The following WDR70 variants were observed in gnomAD, a reference collection of about 807,000 sequenced individuals.
WDR70 encodes WD repeat-containing protein 70.
A neutral mutation model predicts 88.6 loss-of-function variants in WDR70; 53 were observed. The ratio of observed to expected loss-of-function variants is 0.60; its 90% confidence interval spans 0.48 to 0.75. WDR70 has a LOEUF of 0.75. Among genes scored for constraint, WDR70 ranks in the 30% least tolerant of loss-of-function variants. The pLI is 0.00. For synonymous variants in WDR70, 280 were observed against 270.0 expected (o/e 1.04, Z -0.36); for missense variants, 610 against 823.2 (o/e 0.74, Z 3.17).
chr5:37,699,373 GTATATATATGTATGTGTGTA>G (rs1561078800), intron 11 of WDR70, among the ~76,000 whole-genome samples: 14 of 118,168 alleles, frequency 1.2e-4, no homozygotes, highest in African/African-American at 4.0e-4. Context: ...GTGTGTGTGT[GTATATATATGTATGTGTGTA>G]TATATATATA....
chr5:37,716,133 C>T (rs192716080), intron 13 of WDR70, among the ~76,000 whole-genome samples: 4 of 152,262 alleles, frequency 2.6e-5, no homozygotes, highest in East Asian at 1.9e-4. Context: ...AAAAACCAAA[C>T]GTGAAAAAAC....
At chr5:37,382,114 T>C (rs1441584267) in intron 3 of WDR70, among the ~76,000 whole-genome samples, 1 of 151,984 alleles carries the variant, frequency 6.6e-6, no homozygotes, top group Non-Finnish European at 1.5e-5. Flanking sequence ...TTTTTTTTTT[T>C]TTGAGATGGA....
At chr5:37,646,018 A>T (rs1589118) in intron 10 of WDR70, among the ~76,000 whole-genome samples, 16,044 of 151,722 alleles carry the variant, frequency 0.11, 2,715 homozygotes, top group African/African-American at 0.36. Flanking sequence ...AATTAAAAAA[A>T]TTTTTTTTGT....
At chr5:37,657,611 T>G (rs1236875369) in intron 10 of WDR70, among the ~76,000 whole-genome samples, 1 of 152,214 alleles carries the variant, frequency 6.6e-6, no homozygotes, top group Non-Finnish European at 1.5e-5. Context: ...TAAACTTGTC[T>G]TGATTATGAA....
intron 10 of WDR70, among the ~76,000 whole-genome samples, chr5:37,650,231 A>G (rs952892977): frequency 6.6e-5 from 10 of 151,118 alleles, no homozygotes; most frequent in Admixed American, 3.9e-4. Context: ...CCCCGTCTCT[A>G]CTAAAAATAC....
rs1748861611 is a variant in WDR70 at position 37,753,220 on chromosome 5, C to T, written c.*647C>T. The T allele has an allele frequency of 6.6e-6, 1 of 152,212 alleles. No homozygotes were observed. The highest frequency in any genetic ancestry group is 2.4e-5 in the African/African-American group (1 of 41,438). 9.4% of individuals were successfully genotyped at this position (152,212 alleles called of 1,614,324 possible). On this transcript the variant is annotated 3_prime_UTR_variant, in exon 18 of 18. Coordinates refer to ENST00000265107, the MANE Select transcript of WDR70 (RefSeq NM_018034.4). Reference sequence around the variant, plus strand: ...GCCTCAGATGATGAAATAGTACGTACTTTGCAGGTTCGTCAGAAGAATTAA... The same window carrying T: ...GCCTCAGATGATGAAATAGTACGTATTTTGCAGGTTCGTCAGAAGAATTAA...
chr5:37,508,726 G>A (rs1468755157), intron 8 of WDR70, among the ~76,000 whole-genome samples: 1 of 152,034 alleles, frequency 6.6e-6, no homozygotes, highest in Non-Finnish European at 1.5e-5. Flanking sequence ...GTTGATGAGG[G>A]ATGTTGTTTT....
intron 5 of WDR70, among the ~76,000 whole-genome samples, chr5:37,408,152 A>T (rs1749410519): frequency 6.6e-6 from 1 of 152,088 alleles, no homozygotes; most frequent in Admixed American, 6.6e-5. Flanking sequence ...TGTAGCCATT[A>T]ATTTTGCATT....
chr5:37,429,393 A>AT (rs1481672529), intron 5 of WDR70, among the ~76,000 whole-genome samples: 1 of 151,588 alleles, frequency 6.6e-6, no homozygotes, highest in African/African-American at 2.4e-5. Context: ...TTTGGTGTGT[A>AT]TTTTTTGTAT....
chr5:37,505,610 C>A lies in WDR70; in HGVS notation c.841-10904C>A. 3 of 739,250 alleles carry A rather than the reference C, an allele frequency of 4.1e-6. No individual in the cohort carries two copies. In the South Asian group the frequency reaches 4.6e-5, roughly 11 times the overall value. 45.8% of individuals were successfully genotyped at this position (739,250 alleles called of 1,614,324 possible). A position where few individuals can be genotyped will look rare whatever the true frequency, so the allele number is the denominator to read the frequency against. On this transcript the variant is annotated intron_variant, in intron 8 of 17. Transcript: ENST00000265107. ...TCCTTACAGTGTTACTTCTTCTAGA[C>A]AACTGAGTGGGTGGAGAAAGAAAAG...
At chr5:37,650,978 T>A (rs1265702162) in intron 10 of WDR70, among the ~76,000 whole-genome samples, 10 of 151,750 alleles carry the variant, frequency 6.6e-5, no homozygotes, top group East Asian at 3.9e-4. Context: ...TTTTTTTTTT[T>A]ATACTTTAAG....
At chr5:37,676,494 T>A (rs1235696803) in intron 10 of WDR70, among the ~76,000 whole-genome samples, 5 of 152,146 alleles carry the variant, frequency 3.3e-5, no homozygotes, top group African/African-American at 9.7e-5. Context: ...GAGATAATCA[T>A]GTGGTTTTTG....
At chr5:37,701,633 A>T (rs927197420) in intron 12 of WDR70, among the ~76,000 whole-genome samples, 2 of 152,090 alleles carry the variant, frequency 1.3e-5, no homozygotes, top group East Asian at 3.9e-4. Context: ...TACTAAAAAT[A>T]CAAAAAATTA....
At chr5:37,436,665 A>G (rs1750475021) in intron 5 of WDR70, among the ~76,000 whole-genome samples, 1 of 152,160 alleles carries the variant, frequency 6.6e-6, no homozygotes, top group Admixed American at 6.5e-5. Flanking sequence ...GTAGGGGGTG[A>G]AAGAAAGTGG....
intron 10 of WDR70, among the ~76,000 whole-genome samples, chr5:37,696,669 A>T (rs1420914257): frequency 1.2e-5 from 1 of 85,698 alleles, no homozygotes; most frequent in Non-Finnish European, 2.7e-5. Context: ...ACAGGTACAC[A>T]CACACGCGCG....
intron 9 of WDR70, among the ~76,000 whole-genome samples, chr5:37,543,348 TTATGTAGAAACCTG>T (rs1741886434): frequency 6.6e-6 from 1 of 152,222 alleles, no homozygotes; most frequent in Admixed American, 6.5e-5. Context: ...CTGAATCATG[TTATGTAGAAACCTG>T]TTTATGAAGA....
At chr5:37,392,891 C>T (rs1363327373) in intron 4 of WDR70, among the ~76,000 whole-genome samples, 4 of 151,914 alleles carry the variant, frequency 2.6e-5, no homozygotes, top group South Asian at 2.1e-4. Flanking sequence ...GTGATCTGCT[C>T]GCCTCAGCCT....
intron 8 of WDR70, chr5:37,506,181 C>A (rs570314705): frequency 2.9e-6 from 3 of 1,040,658 alleles, no homozygotes; most frequent in Non-Finnish European, 4.6e-6. Flanking sequence ...ATCAGCACCA[C>A]TGAAGTTCAA....
intron 8 of WDR70, among the ~76,000 whole-genome samples, chr5:37,499,337 C>T (rs1740325688): frequency 1.3e-5 from 2 of 151,954 alleles, no homozygotes; most frequent in Non-Finnish European, 2.9e-5. Flanking sequence ...TGGTCTCGAA[C>T]TCCTGACCTC....
Sources: gnomAD v4.1 joint callset for allele counts (sites outside exome capture counted in the v4.1 genomes callset) on GRCh38, gnomAD v4.1.1 for gene constraint, MANE v1.5 for transcripts, NCBI Gene and HGNC (gene_info 2026-07-23, HGNC 2026-07-21) for gene names.